Variants in AAK1 observed in about 807,000 individuals in gnomAD.
The protein encoded by AAK1 is AP2 associated kinase 1, also known as AP2-associated protein kinase 1.
Under a neutral mutation model 116.0 loss-of-function variants are expected in AAK1, and 37 were observed. The ratio of observed to expected loss-of-function variants is 0.32; its 90% CI spans 0.25 to 0.42. AAK1 has a LOEUF of 0.42. Ranked by LOEUF, AAK1 falls within the 10% of genes least tolerant of loss-of-function variation. The pLI, the probability that AAK1 is intolerant of heterozygous loss-of-function variation, is 1.00. For synonymous variants in AAK1, 458 were observed against 439.9 expected, an observed-to-expected ratio of 1.04 and a Z score of -0.51; for missense variants, 919 against 1,170.6, an observed-to-expected ratio of 0.79 and a Z score of 3.14.
intron 2 of AAK1, among the ~76,000 whole-genome samples, chr2:69,620,677 T>C (rs1674573795): frequency 6.6e-6 from 1 of 152,198 alleles, no homozygotes; most frequent in South Asian, 2.1e-4. Flanking sequence ...GGATCCCATG[T>C]CTGCGAGACA....
At chr2:69,631,277 G>GT (rs1675162134) in intron 2 of AAK1, among the ~76,000 whole-genome samples, 2 of 152,344 alleles carry the variant, frequency 1.3e-5, no homozygotes, top group Non-Finnish European at 1.5e-5. Flanking sequence ...TACAATAGCT[G>GT]TAAGTGTCCT....
chr2:69,549,167 G>A (rs751945349), intron 3 of AAK1, among the ~76,000 whole-genome samples: 46 of 152,052 alleles, frequency 3.0e-4, no homozygotes, highest in Non-Finnish European at 6.0e-4. Flanking sequence ...TCAGGAGTTC[G>A]AGACCAGCCT....
At chr2:69,496,527 G>C (rs758395617) in intron 16 of AAK1, among the ~76,000 whole-genome samples, 13 of 152,056 alleles carry the variant, frequency 8.5e-5, no homozygotes, top group Non-Finnish European at 1.5e-4. Flanking sequence ...GCCTCCCAAA[G>C]TGCTGGGATT....
rs1344584862 is a variant in AAK1, at chr2:69,472,016, CAAAT to C, written c.*3849_*3852del. On this transcript the variant is annotated 3_prime_UTR_variant, in exon 22 of 22. Coordinates refer to ENST00000409085, the MANE Select transcript of AAK1 (RefSeq NM_014911.5). The stretch of plus-strand genomic sequence containing the variant: ...ATTCAGGAAGAGCGAAGTCCAATAT[CAAAT>C]AACACTGAACAAAGTGACAACTTCT... The C allele has an allele frequency of 1.0e-6, 1 of 985,242 alleles. No individual in the cohort carries two copies. The highest frequency in any genetic ancestry group is 1.7e-5 in the African/African-American group (1 of 57,238). The allele number at this position is 985,242 out of a possible 1,614,324, so 61.0% of individuals were successfully genotyped here.
chr2:69,520,880 C>T lies in AAK1; in HGVS notation c.1164G>A (p.Leu388=). ...GAACAGTGGCCCTCTTCCGGGGTGT[C>T]AGCGCTGGCTGGATGGGAAGGATTC... The part of the protein sequence containing the change: ...NPGILPIQPA[L]TPRKRATVQP... The change falls in exon 11 of 22, where the codon CTG becomes CTA. Residue 388 remains leucine (L), a synonymous_variant. Coordinates refer to ENST00000409085, the MANE Select transcript of AAK1 (RefSeq NM_014911.5). 16 of 1,598,972 alleles carry T rather than the reference C, an allele frequency of 1.0e-5. No homozygotes were observed. The highest frequency in any genetic ancestry group is 1.4e-5 in the Non-Finnish European group (16 of 1,173,364).
chr2:69,509,148 C>G, intron 14 of AAK1, 83 bp downstream of exon 14: 1 of 1,168,818 alleles, frequency 8.6e-7, no homozygotes, highest in South Asian at 1.3e-5. Context: ...CATCTACACA[C>G]TTATGCAAAG....
At chr2:69,585,353 C>T (rs1235843204) in intron 2 of AAK1, among the ~76,000 whole-genome samples, 4 of 152,258 alleles carry the variant, frequency 2.6e-5, no homozygotes, top group East Asian at 3.9e-4. Context: ...TGAGCCACTG[C>T]GCCCAGCCAG....
chr2:69,540,689 T>C lies in AAK1; in HGVS notation c.534+1834A>G, dbSNP rs1451309909. On this transcript the variant is annotated intron_variant, in intron 5 of 21. Transcript: ENST00000409085. ...TAGTGTGACTACTTTGGAAAACAGT[T>C]TGAAGGGTCCTCAAAAAGTTAAACA... is the stretch of plus-strand genomic sequence containing the variant. 2.6e-5 allele frequency among the ~76,000 whole-genome samples: 4 copies of C among 152,334 alleles called. No individual in the cohort carries two copies. In the East Asian group the frequency reaches 5.8e-4, roughly 22 times the overall value.
At chr2:69,590,056 G>A (rs10439499) in intron 2 of AAK1, among the ~76,000 whole-genome samples, 16,332 of 152,120 alleles carry the variant, frequency 0.11, 1,956 homozygotes, top group African/African-American at 0.27. Context: ...CACTAGGGAC[G>A]ACCAGCAATG....
chr2:69,613,247 A>G (rs1348946916), intron 2 of AAK1, among the ~76,000 whole-genome samples: 1 of 152,204 alleles, frequency 6.6e-6, no homozygotes, highest in Admixed American at 6.5e-5. Flanking sequence ...CCATGATGCA[A>G]TAAGAAATAT....
chr2:69,489,450 C>CAA (rs70954346), intron 17 of AAK1, among the ~76,000 whole-genome samples: 41,362 of 118,990 alleles, frequency 0.35, 8,011 homozygotes, highest in East Asian at 0.72. Flanking sequence ...GACTCCGTCT[C>CAA]AAAAAAAAAA....
rs2104877450 is a variant in AAK1 at position 69,473,671 on chromosome 2, A to C, written c.*2198T>G. 1.0e-6 allele frequency: 1 copy of C among 967,276 alleles called. No individual in the cohort carries two copies. The highest frequency in any genetic ancestry group is 4.8e-5 in the South Asian group (1 of 20,870). The allele number at this position is 967,276 out of a possible 1,614,324, so 59.9% of individuals were successfully genotyped here. On this transcript the variant is annotated 3_prime_UTR_variant, in exon 22 of 22. Transcript: ENST00000409085. ...TAGAGATACCTAATTTCTAAACTGTACTCTTCATAGTTTCAATTAAATTGA... is the reference window on the plus strand; with the variant it reads ...TAGAGATACCTAATTTCTAAACTGTCCTCTTCATAGTTTCAATTAAATTGA...
Position 69,514,431 on chromosome 2 carries a change from C to T in AAK1, c.1776+40G>A, listed in dbSNP as rs756344643. ...TTCCCCTAGCTCTCGCTGCACATTC[C>T]TCTGCTGCTTTTGTGCTCTGAGCTC... is the stretch of plus-strand genomic sequence containing the variant. On this transcript the variant is annotated intron_variant, in intron 13 of 21. Coordinates refer to ENST00000409085, the MANE Select transcript of AAK1 (RefSeq NM_014911.5). The T allele has an allele frequency of 4.7e-6, 7 of 1,493,146 alleles. No homozygotes were observed. The African/African-American group carries it at 8.4e-5, about 18-fold the overall frequency. The allele number at this position is 1,493,146 out of a possible 1,614,324, so 92.5% of individuals were successfully genotyped here. A position where few individuals can be genotyped will look rare whatever the true frequency, so the allele number is the denominator to read the frequency against.
At chr2:69,535,109 T>C (rs10170346) in intron 5 of AAK1, among the ~76,000 whole-genome samples, 8,669 of 152,260 alleles carry the variant, frequency 0.057, 696 homozygotes, top group African/African-American at 0.17. Context: ...AGGGCTCATC[T>C]AAAACCATGC....
chr2:69,522,451 G>A (rs1460603394), intron 10 of AAK1, among the ~76,000 whole-genome samples: 1 of 152,084 alleles, frequency 6.6e-6, no homozygotes, highest in Non-Finnish European at 1.5e-5. Flanking sequence ...CTAGAACCTG[G>A]GCAAGGGATG....
chr2:69,542,108 G>A (rs1001745526), intron 5 of AAK1, among the ~76,000 whole-genome samples: 1 of 152,008 alleles, frequency 6.6e-6, no homozygotes, highest in African/African-American at 2.4e-5. Flanking sequence ...CAATATGAAA[G>A]GCACAGTGCA....
chr2:69,560,025 T>C (rs985653810), intron 2 of AAK1, among the ~76,000 whole-genome samples: 2 of 152,196 alleles, frequency 1.3e-5, no homozygotes, highest in Non-Finnish European at 2.9e-5. Context: ...ATGACCATGA[T>C]AAATCTAAAA....
At chr2:69,592,942 T>C (rs1481039961) in intron 2 of AAK1, among the ~76,000 whole-genome samples, 1 of 152,238 alleles carries the variant, frequency 6.6e-6, no homozygotes, top group Non-Finnish European at 1.5e-5. Flanking sequence ...GGTTTGCTAG[T>C]TTATAAGCCT....
At chr2:69,498,104 A>T (rs1675823652) in intron 16 of AAK1, among the ~76,000 whole-genome samples, 1 of 150,982 alleles carries the variant, frequency 6.6e-6, no homozygotes, top group African/African-American at 2.4e-5. Flanking sequence ...TGACCCCTGA[A>T]TCCCTCCTTC....
Sources: allele counts gnomAD v4.1 joint callset (sites outside exome capture counted in the v4.1 genomes callset), GRCh38; gene constraint gnomAD v4.1.1; transcripts MANE v1.5; gene names NCBI Gene and HGNC (gene_info 2026-07-23, HGNC 2026-07-21).